Variants in AGBL1 observed in about 807,000 individuals in gnomAD.
AGBL1 encodes cytosolic carboxypeptidase 4.
AGBL1 carries 130 observed loss-of-function variants against 118.9 expected under a neutral mutation model. The observed-to-expected ratio is 1.09, with a 90% confidence interval of 0.95 to 1.26. The LOEUF (loss-of-function observed/expected upper bound fraction) is 1.26. Ranked by LOEUF, AGBL1 falls within the 50% of genes most tolerant of loss-of-function variation. AGBL1 has a pLI of 0.00. For missense variants in AGBL1, 1,584 were observed against 1,298.1 expected (o/e 1.22, Z -3.38); for synonymous variants, 555 against 478.9 (o/e 1.16, Z -2.08).
At chr15:86,660,437 TATC>T in intron 21 of AGBL1, among the ~76,000 whole-genome samples, 1 of 152,310 alleles carries the variant, frequency 6.6e-6, no homozygotes, top group East Asian at 1.9e-4. Flanking sequence ...CATATACACG[TATC>T]ATCCTCTCTT....
intron 18 of AGBL1, among the ~76,000 whole-genome samples, chr15:86,414,995 G>A (rs1251462797): frequency 6.6e-6 from 1 of 152,120 alleles, no homozygotes; most frequent in South Asian, 2.1e-4. Flanking sequence ...TTGAGTTCTT[G>A]GGAATAACAC....
chr15:86,148,929 T>C (rs550563822), intron 3 of AGBL1, among the ~76,000 whole-genome samples: 5 of 152,220 alleles, frequency 3.3e-5, no homozygotes, highest in Non-Finnish European at 7.3e-5. Context: ...AGCGGATCTC[T>C]TGGCAGAAAC....
At chr15:86,115,141 T>C (rs1897674623) in intron 1 of AGBL1, among the ~76,000 whole-genome samples, 1 of 152,154 alleles carries the variant, frequency 6.6e-6, no homozygotes, top group Admixed American at 6.5e-5. Flanking sequence ...CACTTTTGTT[T>C]TCCTAAAAAT....
chr15:86,355,342 A>G (rs1182115179), intron 17 of AGBL1, among the ~76,000 whole-genome samples: 1 of 152,220 alleles, frequency 6.6e-6, no homozygotes, highest in East Asian at 1.9e-4. Flanking sequence ...TAAATGGTTC[A>G]TCGGTCAGGT....
intron 24 of AGBL1, among the ~76,000 whole-genome samples, chr15:87,020,226 C>A (rs2347465): frequency 0.39 from 58,415 of 151,412 alleles, 11,756 homozygotes; most frequent in East Asian, 0.51. Flanking sequence ...TCATTGATCA[C>A]ATAAACAGAA....
At chr15:86,396,640 G>T (rs1011478482) in intron 17 of AGBL1, among the ~76,000 whole-genome samples, 1 of 152,240 alleles carries the variant, frequency 6.6e-6, no homozygotes, top group East Asian at 1.9e-4. Flanking sequence ...GAATGAGAGG[G>T]ACCATCCCAC....
chr15:86,701,891 CCTTTCTTTCA>C (rs2086366734), intron 22 of AGBL1, among the ~76,000 whole-genome samples: 2 of 149,224 alleles, frequency 1.3e-5, no homozygotes, highest in African/African-American at 4.9e-5. Context: ...TCTTTCCTTC[CCTTTCTTTCA>C]CTTTCCTCCC....
At chr15:86,992,623 G>A (rs1041706453) in intron 24 of AGBL1, among the ~76,000 whole-genome samples, 3 of 152,054 alleles carry the variant, frequency 2.0e-5, no homozygotes, top group Admixed American at 6.6e-5. Flanking sequence ...AGGGTGCACC[G>A]CCATAAATGG....
intron 17 of AGBL1, among the ~76,000 whole-genome samples, chr15:86,320,654 C>T (rs2080091638): frequency 6.6e-6 from 1 of 151,530 alleles, no homozygotes; most frequent in African/African-American, 2.4e-5. Context: ...TGTATTGTTT[C>T]TGATCTTCAA....
intron 6 of AGBL1, among the ~76,000 whole-genome samples, chr15:86,233,045 C>T (rs899319533): frequency 2.4e-4 from 36 of 152,204 alleles, no homozygotes; most frequent in African/African-American, 8.7e-4. Flanking sequence ...CCCCATTTTA[C>T]ATGCAAGGAA....
At chr15:86,226,197 C>G (rs1168086306) in intron 6 of AGBL1, among the ~76,000 whole-genome samples, 4 of 152,106 alleles carry the variant, frequency 2.6e-5, no homozygotes, top group Non-Finnish European at 5.9e-5. Flanking sequence ...GAGGACCATT[C>G]ATTCTTCAGA....
chr15:86,876,536 G>A (rs1333085236), intron 22 of AGBL1, among the ~76,000 whole-genome samples: 1 of 152,182 alleles, frequency 6.6e-6, no homozygotes, highest in Non-Finnish European at 1.5e-5. Context: ...TGAGTTCTGG[G>A]TCAGAGGGAG....
chr15:86,601,762 A>G (rs2084497491), intron 21 of AGBL1, among the ~76,000 whole-genome samples: 1 of 152,106 alleles, frequency 6.6e-6, no homozygotes, highest in Non-Finnish European at 1.5e-5. Context: ...AATTTCTCCA[A>G]TCCCTTCTAT....
intron 17 of AGBL1, among the ~76,000 whole-genome samples, chr15:86,317,532 G>A (rs917001994): frequency 8.5e-5 from 13 of 152,206 alleles, no homozygotes; most frequent in Admixed American, 7.9e-4. Context: ...CTCCCTTGGG[G>A]TGATGAACAC....
chr15:86,667,957 T>C (rs1449909975), intron 21 of AGBL1, among the ~76,000 whole-genome samples: 1 of 152,210 alleles, frequency 6.6e-6, no homozygotes, highest in Non-Finnish European at 1.5e-5. Context: ...TCTGCTCAGC[T>C]TCTGGTGAGG....
At chr15:86,840,859 C>A (rs1266784386) in intron 22 of AGBL1, among the ~76,000 whole-genome samples, 1 of 152,074 alleles carries the variant, frequency 6.6e-6, no homozygotes, top group Non-Finnish European at 1.5e-5. Context: ...TTGTGTTTCC[C>A]TAGGTCATGT....
At chr15:86,730,837 A>T (rs1420537247) in intron 22 of AGBL1, among the ~76,000 whole-genome samples, 2 of 151,964 alleles carry the variant, frequency 1.3e-5, no homozygotes, top group Non-Finnish European at 2.9e-5. Flanking sequence ...TTATTTATTT[A>T]TTTATTTTGA....
intron 21 of AGBL1, among the ~76,000 whole-genome samples, chr15:86,638,865 C>A (rs1447941731): frequency 6.6e-6 from 1 of 152,152 alleles, no homozygotes; most frequent in Non-Finnish European, 1.5e-5. Flanking sequence ...GCTTTCAGGA[C>A]CTTTCACAGG....
At chr15:86,872,512 T>G (rs1241499922) in intron 22 of AGBL1, among the ~76,000 whole-genome samples, 1 of 152,096 alleles carries the variant, frequency 6.6e-6, no homozygotes, top group Non-Finnish European at 1.5e-5. Flanking sequence ...TCCCAGCACT[T>G]TGGGAGGCTG....
Sources: gnomAD v4.1 joint callset for allele counts (sites outside exome capture counted in the v4.1 genomes callset) on GRCh38, gnomAD v4.1.1 for gene constraint, MANE v1.5 for transcripts, NCBI Gene and HGNC (gene_info 2026-07-23, HGNC 2026-07-21) for gene names.